Variants in COL25A1 observed in about 807,000 individuals in gnomAD.
The protein encoded by COL25A1 is collagen alpha-1(XXV) chain.
COL25A1 carries 103 observed loss-of-function variants against 128.4 expected under a neutral mutation model. The ratio of observed to expected loss-of-function variants is 0.80; its 90% confidence interval spans 0.68 to 0.94. The LOEUF (loss-of-function observed/expected upper bound fraction) is 0.94, where lower values mean the gene tolerates loss of function less well. Ranked by LOEUF, COL25A1 falls within the 40% of genes least tolerant of loss-of-function variation. The pLI, the probability that COL25A1 is intolerant of heterozygous loss-of-function variation, is 0.00. For synonymous variants in COL25A1, 279 were observed against 277.2 expected (o/e 1.01, Z -0.06); for missense variants, 745 against 840.0 (o/e 0.89, Z 1.40).
chr4:109,217,903 T>C (rs75234435), intron 3 of COL25A1, among the ~76,000 whole-genome samples: 10,094 of 152,184 alleles, frequency 0.066, 876 homozygotes, highest in African/African-American at 0.2. Context: ...CAGATCACAG[T>C]TGGTCGAAAC....
At chr4:109,127,277 A>T (rs893417304) in intron 3 of COL25A1, among the ~76,000 whole-genome samples, 11 of 152,202 alleles carry the variant, frequency 7.2e-5, no homozygotes, top group Non-Finnish European at 1.5e-4. Flanking sequence ...ATAGAACTTC[A>T]GCACTGCTTG....
chr4:109,190,997 A>G (rs1212376383), intron 3 of COL25A1, among the ~76,000 whole-genome samples: 2 of 152,220 alleles, frequency 1.3e-5, no homozygotes, highest in Non-Finnish European at 2.9e-5. Flanking sequence ...CATAAAGCCT[A>G]TCACTCTTCT....
chr4:109,225,152 C>T (rs1778717256), intron 3 of COL25A1, among the ~76,000 whole-genome samples: 1 of 151,930 alleles, frequency 6.6e-6, no homozygotes, highest in Non-Finnish European at 1.5e-5. Context: ...ATTAAATTAT[C>T]ACTTCAGTAG....
chr4:108,824,291 C>A, intron 34 of COL25A1, 64 bp from the exon 35 acceptor site: 1 of 1,136,066 alleles, frequency 8.8e-7, no homozygotes, highest in East Asian at 2.4e-5. Context: ...CATATAGAAA[C>A]AAATATTTTA....
chr4:109,109,955 T>C (rs1044068226), intron 3 of COL25A1, among the ~76,000 whole-genome samples: 1 of 152,180 alleles, frequency 6.6e-6, no homozygotes, highest in African/African-American at 2.4e-5. Flanking sequence ...AATCCCTCAT[T>C]TCCATCTTAT....
At chr4:109,232,161 A>G (rs1187631404) in intron 3 of COL25A1, among the ~76,000 whole-genome samples, 1 of 152,200 alleles carries the variant, frequency 6.6e-6, no homozygotes, top group Non-Finnish European at 1.5e-5. Context: ...AATCCTAAGT[A>G]CAAAAATCAA....
intron 24 of COL25A1, among the ~76,000 whole-genome samples, chr4:108,853,673 C>G (rs985295242): frequency 1.3e-5 from 2 of 151,954 alleles, no homozygotes; most frequent in African/African-American, 4.8e-5. Context: ...CCTTGCCCCC[C>G]ACCCCCTGAC....
intron 3 of COL25A1, among the ~76,000 whole-genome samples, chr4:109,123,616 T>C (rs1447396487): frequency 2.0e-5 from 3 of 152,124 alleles, no homozygotes; most frequent in African/African-American, 7.2e-5. Context: ...AATATGCTTA[T>C]ATTTGAACCA....
chr4:108,826,944 A>G (rs768450190), intron 33 of COL25A1, among the ~76,000 whole-genome samples, 191 bp downstream of exon 33: 3 of 152,184 alleles, frequency 2.0e-5, no homozygotes, highest in Non-Finnish European at 4.4e-5. Flanking sequence ...GTGTCTGTAC[A>G]TGATGAGAGG....
At chr4:109,143,663 A>G (rs1258187280) in intron 3 of COL25A1, among the ~76,000 whole-genome samples, 1 of 152,002 alleles carries the variant, frequency 6.6e-6, no homozygotes, top group African/African-American at 2.4e-5. Flanking sequence ...CTAATCTTCA[A>G]TCTCTGATAT....
intron 35 of COL25A1, among the ~76,000 whole-genome samples, chr4:108,822,476 G>C (rs1236950285): frequency 6.6e-6 from 1 of 152,102 alleles, no homozygotes; most frequent in Admixed American, 6.5e-5. Context: ...AAGTACAGTG[G>C]TATGAGCATA....
intron 9 of COL25A1, 50 bp from the exon 10 acceptor site, chr4:108,940,696 C>G (rs951339948): frequency 8.0e-7 from 1 of 1,253,442 alleles, no homozygotes; most frequent in Non-Finnish European, 1.1e-6. Flanking sequence ...AGATAAAGAC[C>G]CAGGTCTTCT....
chr4:109,019,369 C>CATATATAT (rs1320479600), intron 5 of COL25A1, among the ~76,000 whole-genome samples: 4 of 9,246 alleles, frequency 4.3e-4, no homozygotes, highest in Admixed American at 2.1e-3. Flanking sequence ...CACACACACA[C>CATATATAT]ACACACATAT....
intron 17 of COL25A1, among the ~76,000 whole-genome samples, 161 bp from the exon 18 acceptor site, chr4:108,889,417 A>ATTTTTTTTTT (rs34358532): frequency 7.7e-6 from 1 of 130,482 alleles, no homozygotes; most frequent in Non-Finnish European, 1.6e-5. Context: ...AGACATACGG[A>ATTTTTTTTTT]TTTTTTTTTT....
intron 8 of COL25A1, among the ~76,000 whole-genome samples, chr4:108,969,418 G>A (rs17598323): frequency 0.31 from 46,695 of 152,050 alleles, 7,992 homozygotes; most frequent in South Asian, 0.46. Context: ...ACAAGGCCAA[G>A]AGATTCACAG....
At chr4:109,148,683 G>A (rs1169200564) in intron 3 of COL25A1, among the ~76,000 whole-genome samples, 1 of 152,084 alleles carries the variant, frequency 6.6e-6, no homozygotes, top group Non-Finnish European at 1.5e-5. Context: ...TTTTGACCCT[G>A]TCACTCTCTT....
intron 3 of COL25A1, among the ~76,000 whole-genome samples, chr4:109,170,191 C>A (rs1430392716): frequency 1.3e-5 from 2 of 151,924 alleles, no homozygotes; most frequent in African/African-American, 4.8e-5. Context: ...GTTTATTTTT[C>A]TGATATTTTA....
At chr4:108,955,264 A>G (rs1287013033) in intron 8 of COL25A1, among the ~76,000 whole-genome samples, 1 of 152,152 alleles carries the variant, frequency 6.6e-6, no homozygotes, top group African/African-American at 2.4e-5. Context: ...GCTTCATAAC[A>G]TTATAAAGAG....
intron 3 of COL25A1, among the ~76,000 whole-genome samples, chr4:109,212,954 G>A (rs1777691789): frequency 6.6e-6 from 1 of 152,072 alleles, no homozygotes; most frequent in African/African-American, 2.4e-5. Context: ...ATATATAGGA[G>A]AAATATTTGC....
Sources: gnomAD v4.1 joint callset for allele counts (sites outside exome capture counted in the v4.1 genomes callset) on GRCh38, gnomAD v4.1.1 for gene constraint, MANE v1.5 for transcripts, NCBI Gene and HGNC (gene_info 2026-07-23, HGNC 2026-07-21) for gene names.